Variants in SH3PXD2A observed in about 807,000 individuals in gnomAD.
SH3PXD2A encodes the protein SH3 and PX domains 2A.
SH3PXD2A carries 32 observed loss-of-function variants against 115.2 expected under a neutral mutation model. The ratio of observed to expected loss-of-function variants is 0.28; its 90% CI spans 0.21 to 0.37. The LOEUF is 0.37. SH3PXD2A is among the 10% of genes least tolerant of loss of function. The pLI is 1.00. For synonymous variants in SH3PXD2A, 610 were observed against 629.1 expected (o/e 0.97, Z 0.45); for missense variants, 1,328 against 1,498.7 (o/e 0.89, Z 1.88).
chr10:103,657,704 C>T (rs1306385788), intron 8 of SH3PXD2A, among the ~76,000 whole-genome samples: 1 of 152,230 alleles, frequency 6.6e-6, no homozygotes, highest in African/African-American at 2.4e-5. Context: ...TGTCCTCAGT[C>T]CTAGGTACAC....
chr10:103,849,678 T>C (rs1162505114), intron 1 of SH3PXD2A, among the ~76,000 whole-genome samples: 1 of 152,230 alleles, frequency 6.6e-6, no homozygotes, highest in East Asian at 1.9e-4. Flanking sequence ...CACGCTGCTC[T>C]GGGAATCCGC....
intron 2 of SH3PXD2A, among the ~76,000 whole-genome samples, chr10:103,795,812 C>A (rs1028198717): frequency 6.6e-6 from 1 of 151,410 alleles, no homozygotes; most frequent in South Asian, 2.1e-4. Context: ...GCTGGCACAC[C>A]GCCTGGATGT....
chr10:103,840,094 C>CAACA (rs1280099081), intron 1 of SH3PXD2A, among the ~76,000 whole-genome samples: 1 of 152,254 alleles, frequency 6.6e-6, no homozygotes, highest in Non-Finnish European at 1.5e-5. Context: ...ATGGCGCCAA[C>CAACA]AACAGCTGCT....
chr10:103,683,375 A>G (rs1185416198), intron 6 of SH3PXD2A, among the ~76,000 whole-genome samples: 1 of 151,988 alleles, frequency 6.6e-6, no homozygotes, highest in African/African-American at 2.4e-5. Flanking sequence ...TTAGCCAGGC[A>G]TGGTGGCGGG....
chr10:103,845,847 G>A (rs375628777), intron 1 of SH3PXD2A, among the ~76,000 whole-genome samples: 6 of 152,152 alleles, frequency 3.9e-5, no homozygotes, highest in East Asian at 1.9e-4. Context: ...GGAAAACAAC[G>A]TAGGTTCTCC....
intron 1 of SH3PXD2A, among the ~76,000 whole-genome samples, chr10:103,842,780 C>G (rs778051145): frequency 1.3e-5 from 2 of 152,168 alleles, no homozygotes; most frequent in African/African-American, 2.4e-5. Context: ...AAGCTCTAAA[C>G]GGGCAGGGAT....
chr10:103,702,622 G>A (rs1005849783), intron 5 of SH3PXD2A, among the ~76,000 whole-genome samples: 22 of 26,914 alleles, frequency 8.2e-4, no homozygotes, highest in African/African-American at 4.1e-3. Context: ...TGCATGCTGG[G>A]TGCGGAGGGC....
chr10:103,716,970 C>G (rs1002683974), intron 5 of SH3PXD2A, among the ~76,000 whole-genome samples: 1 of 152,220 alleles, frequency 6.6e-6, no homozygotes, highest in African/African-American at 2.4e-5. Context: ...ATGATGGGGA[C>G]AGCAAACACT....
chr10:103,662,344 G>GC (rs2037319470), intron 7 of SH3PXD2A, among the ~76,000 whole-genome samples: 1 of 88,912 alleles, frequency 1.1e-5, no homozygotes, highest in African/African-American at 5.7e-5. Flanking sequence ...TTATTGGCGG[G>GC]GGGGGGGGCG....
chr10:103,605,532 C>G (rs3781363), intron 14 of SH3PXD2A, among the ~76,000 whole-genome samples: 11,864 of 152,230 alleles, frequency 0.078, 857 homozygotes, highest in East Asian at 0.31. Flanking sequence ...TTTCAAGGCC[C>G]CCCTGTCACA....
chr10:103,854,938 C>T (rs1842926742), intron 1 of SH3PXD2A, among the ~76,000 whole-genome samples: 1 of 152,196 alleles, frequency 6.6e-6, no homozygotes, highest in South Asian at 2.1e-4. Flanking sequence ...CAGATGACTT[C>T]ACCGTTGTAA....
intron 4 of SH3PXD2A, among the ~76,000 whole-genome samples, chr10:103,731,165 G>A (rs59043903): frequency 7.0e-6 from 1 of 141,992 alleles, no homozygotes; most frequent in Admixed American, 7.0e-5. Flanking sequence ...TCCCGTTTTT[G>A]TTTTTTTTTT....
chr10:103,653,238 C>T (rs1216912073), intron 8 of SH3PXD2A, among the ~76,000 whole-genome samples: 4 of 152,220 alleles, frequency 2.6e-5, no homozygotes, highest in African/African-American at 7.2e-5. Flanking sequence ...TTAGTCAGCT[C>T]GTACAGATTT....
chr10:103,709,977 C>G (rs777218789), intron 5 of SH3PXD2A, among the ~76,000 whole-genome samples: 1 of 151,896 alleles, frequency 6.6e-6, no homozygotes, highest in Non-Finnish European at 1.5e-5. Context: ...CACCTGTAAT[C>G]CCAGCTACTT....
At chr10:103,608,964 A>AC (rs1326262684) in intron 13 of SH3PXD2A, 1 of 151,964 alleles carries the variant, frequency 6.6e-6, no homozygotes, top group Non-Finnish European at 1.5e-5. Flanking sequence ...AAATAGTGAG[A>AC]CCCCATTTCT....
At chr10:103,854,943 T>C (rs1842926864) in intron 1 of SH3PXD2A, among the ~76,000 whole-genome samples, 1 of 152,096 alleles carries the variant, frequency 6.6e-6, no homozygotes, top group East Asian at 1.9e-4. Flanking sequence ...GACTTCACCG[T>C]TGTAACAGAC....
At position 103,684,484 on chromosome 10, in the gene SH3PXD2A, G is replaced by T. The variant is rs559905407; in HGVS notation, c.427+8544C>A. On this transcript the variant is annotated intron_variant, in intron 6 of 14. Coordinates refer to ENST00000369774, the MANE Select transcript of SH3PXD2A (RefSeq NM_001394015.1). ...AGTGATTCTCCTGCCTCAGCCTCCC[G>T]AGTAGCTGGGATTACAGGTGCGGGC... is the stretch of plus-strand genomic sequence containing the variant. Among the ~76,000 whole-genome samples the T allele has an allele frequency of 2.6e-5, 4 of 151,772 alleles. No individual in the cohort carries two copies. The South Asian group carries it at 8.3e-4, about 32-fold the overall frequency.
intron 2 of SH3PXD2A, among the ~76,000 whole-genome samples, chr10:103,792,171 C>A (rs948902796): frequency 4.6e-5 from 7 of 152,218 alleles, no homozygotes; most frequent in Admixed American, 4.6e-4. Flanking sequence ...ATCAAAGATG[C>A]CTCTTTCCAG....
intron 5 of SH3PXD2A, among the ~76,000 whole-genome samples, chr10:103,697,873 A>G (rs980080817): frequency 2.0e-5 from 3 of 152,062 alleles, no homozygotes; most frequent in Non-Finnish European, 2.9e-5. Flanking sequence ...GTTTTGACAC[A>G]TGGCTCCCCA....
Sources: allele counts gnomAD v4.1 joint callset (sites outside exome capture counted in the v4.1 genomes callset), GRCh38; gene constraint gnomAD v4.1.1; transcripts MANE v1.5; gene names NCBI Gene and HGNC (gene_info 2026-07-23, HGNC 2026-07-21).